Variants in ANO6 observed in about 807,000 individuals in gnomAD.
The protein encoded by ANO6 is anoctamin-6.
A neutral mutation model predicts 117.5 loss-of-function variants in ANO6; 106 were observed. That is an observed-to-expected ratio of 0.90 (90% CI 0.77 to 1.06). ANO6 has a LOEUF of 1.06. Ranked by LOEUF, ANO6 falls within the 50% of genes least tolerant of loss-of-function variation. The probability of loss-of-function intolerance (pLI) is 0.00; values close to 1 mark genes in which losing one functional copy is unlikely to be tolerated. For missense variants in ANO6, 955 were observed against 1,121.1 expected (o/e 0.85, Z 2.12); for synonymous variants, 367 against 385.1 (o/e 0.95, Z 0.55).
chr12:45,399,717 C>A (rs1352939315), intron 12 of ANO6, among the ~76,000 whole-genome samples: 1 of 152,172 alleles, frequency 6.6e-6, no homozygotes, highest in Admixed American at 6.5e-5. Flanking sequence ...GGGCTAAAAA[C>A]AGAGGAGTTC....
At chr12:45,286,372 C>A (rs1375186581) in intron 1 of ANO6, among the ~76,000 whole-genome samples, 1 of 152,092 alleles carries the variant, frequency 6.6e-6, no homozygotes, top group East Asian at 1.9e-4. Context: ...AATAAAACAT[C>A]CATCCAGAAG....
chr12:45,320,731 C>T (rs1368661014), intron 2 of ANO6, among the ~76,000 whole-genome samples: 1 of 152,070 alleles, frequency 6.6e-6, no homozygotes, highest in Non-Finnish European at 1.5e-5. Context: ...TAAAGTCTCC[C>T]ATTATTATTG....
chr12:45,237,543 G>C (rs1242165025), intron 1 of ANO6, among the ~76,000 whole-genome samples: 1 of 152,166 alleles, frequency 6.6e-6, no homozygotes, highest in Non-Finnish European at 1.5e-5. Flanking sequence ...TAGATGTGTG[G>C]TGTTATTTCT....
At chr12:45,420,702 AACCTG>A (rs1943336235) in intron 17 of ANO6, among the ~76,000 whole-genome samples, 1 of 152,224 alleles carries the variant, frequency 6.6e-6, no homozygotes, top group South Asian at 2.1e-4. Context: ...CATATTTGTT[AACCTG>A]ACCTATACAA....
chr12:45,366,108 T>A (rs544517553), intron 8 of ANO6, among the ~76,000 whole-genome samples: 1 of 129,714 alleles, frequency 7.7e-6, no homozygotes, highest in East Asian at 3.2e-4. Context: ...CGTGCAATGT[T>A]ACTTGGGTTT....
At chr12:45,218,266 C>T (rs1447438966) in intron 1 of ANO6, among the ~76,000 whole-genome samples, 5 of 152,018 alleles carry the variant, frequency 3.3e-5, no homozygotes, top group Admixed American at 6.6e-5. Flanking sequence ...ACATATTTTA[C>T]GTCAAGCAGC....
At chr12:45,326,080 A>G (rs1317588348) in intron 2 of ANO6, among the ~76,000 whole-genome samples, 1 of 152,184 alleles carries the variant, frequency 6.6e-6, no homozygotes, top group South Asian at 2.1e-4. Context: ...TTTAATACTC[A>G]TTATGCTCAA....
intron 7 of ANO6, among the ~76,000 whole-genome samples, chr12:45,353,155 C>T (rs1941325927): frequency 6.6e-6 from 1 of 152,038 alleles, no homozygotes; most frequent in Non-Finnish European, 1.5e-5. Context: ...TCAGTTGTCT[C>T]TTTTGTTATG....
chr12:45,396,940 C>T (rs1158252069), intron 12 of ANO6, among the ~76,000 whole-genome samples: 3 of 152,122 alleles, frequency 2.0e-5, no homozygotes, highest in African/African-American at 7.2e-5. Context: ...GACTTCAACA[C>T]CAAAGCAATA....
intron 1 of ANO6, among the ~76,000 whole-genome samples, chr12:45,241,282 T>G (rs1438267673): frequency 6.6e-6 from 1 of 152,240 alleles, no homozygotes; most frequent in Non-Finnish European, 1.5e-5. Flanking sequence ...CTTGTCTTCT[T>G]GCTTTATTTC....
intron 17 of ANO6, among the ~76,000 whole-genome samples, chr12:45,417,545 T>C (rs749451505): frequency 3.3e-5 from 5 of 152,194 alleles, no homozygotes; most frequent in Non-Finnish European, 7.3e-5. Context: ...CAGAACTCAG[T>C]TGTTTACAGC....
At chr12:45,322,065 A>G (rs567362624) in intron 2 of ANO6, among the ~76,000 whole-genome samples, 4 of 152,132 alleles carry the variant, frequency 2.6e-5, no homozygotes, top group Non-Finnish European at 5.9e-5. Context: ...TGACTTTTGC[A>G]CCATCATTGC....
chr12:45,426,710 C>T lies in ANO6; in HGVS notation c.2527-2395C>T, dbSNP rs906982514. On this transcript the variant is annotated intron_variant, in intron 19 of 19. Coordinates refer to ENST00000320560, the MANE Select transcript of ANO6 (RefSeq NM_001025356.3). ...CCTAGGAAAGTACGCTTTCCTCCTG[C>T]GTCCCTGGCCATTCCACCTCAGGTT... Among the ~76,000 whole-genome samples, 4 of 152,192 alleles carry T rather than the reference C, an allele frequency of 2.6e-5. No homozygotes were observed. The South Asian group carries it at 8.3e-4, about 32-fold the overall frequency.
At position 45,232,331 on chromosome 12, in the gene ANO6, G is replaced by A. The variant is rs981690479; in HGVS notation, c.70+15940G>A. Among the ~76,000 whole-genome samples, 3 of 152,288 alleles carry A rather than the reference G, an allele frequency of 2.0e-5. No homozygotes were observed. In the East Asian group the frequency reaches 5.8e-4, roughly 29 times the overall value. On this transcript the variant is annotated intron_variant, in intron 1 of 19. Coordinates refer to ENST00000320560, the MANE Select transcript of ANO6 (RefSeq NM_001025356.3). ...TTGAGCAACAAAGAAGACTGAAGTG[G>A]CCCCTGTTCTCAAAGTAGGCAGCCT...
chr12:45,419,028 G>C (rs1480272355), intron 17 of ANO6, among the ~76,000 whole-genome samples: 2 of 152,170 alleles, frequency 1.3e-5, no homozygotes, highest in African/African-American at 2.4e-5. Context: ...TACAAAAAGA[G>C]AATAACCACC....
chr12:45,407,680 C>T (rs1942977547), intron 15 of ANO6, among the ~76,000 whole-genome samples: 1 of 152,160 alleles, frequency 6.6e-6, no homozygotes, highest in Non-Finnish European at 1.5e-5. Flanking sequence ...CATATTTACA[C>T]TTGGCCTCAG....
At position 45,225,493 on chromosome 12, in the gene ANO6, G is replaced by A. The variant is rs533159158; in HGVS notation, c.70+9102G>A. On this transcript the variant is annotated intron_variant, in intron 1 of 19. Coordinates refer to ENST00000320560, the MANE Select transcript of ANO6 (RefSeq NM_001025356.3). ...AAACATATGTTTTGGGACATTTTTA[G>A]ATTTTTTTTTTTTGAGATGGAGTCT... Among the ~76,000 whole-genome samples, 4 of 151,642 alleles carry A rather than the reference G, an allele frequency of 2.6e-5. No individual in the cohort carries two copies. The South Asian group carries it at 8.3e-4, about 32-fold the overall frequency.
At chr12:45,290,902 A>C (rs1939071653) in intron 1 of ANO6, among the ~76,000 whole-genome samples, 1 of 152,206 alleles carries the variant, frequency 6.6e-6, no homozygotes, top group African/African-American at 2.4e-5. Context: ...TGACAAAGCT[A>C]CAGTGATCAA....
At chr12:45,242,576 G>C (rs1163617783) in intron 1 of ANO6, among the ~76,000 whole-genome samples, 1 of 152,226 alleles carries the variant, frequency 6.6e-6, no homozygotes, top group African/African-American at 2.4e-5. Flanking sequence ...TCTGTGGGCT[G>C]CACCCACTGT....
Sources: gnomAD v4.1 joint callset for allele counts (sites outside exome capture counted in the v4.1 genomes callset) on GRCh38, gnomAD v4.1.1 for gene constraint, MANE v1.5 for transcripts, NCBI Gene and HGNC (gene_info 2026-07-23, HGNC 2026-07-21) for gene names.